Variants in PEX5 observed in about 807,000 individuals in gnomAD.
PEX5 encodes the protein PTS1 receptor.
Under a neutral mutation model 82.9 loss-of-function variants are expected in PEX5, and 52 were observed. That is an observed-to-expected ratio of 0.63 (90% CI 0.50 to 0.79). PEX5 has a LOEUF of 0.79. PEX5 is among the 30% of genes least tolerant of loss of function. PEX5 has a pLI of 0.00. For synonymous variants in PEX5, 300 were observed against 318.8 expected, an observed-to-expected ratio of 0.94 and a Z score of 0.63; for missense variants, 719 against 815.2, an observed-to-expected ratio of 0.88 and a Z score of 1.44.
intron 5 of PEX5, among the ~76,000 whole-genome samples, chr12:7,191,958 T>C (rs780498120): frequency 2.2e-4 from 33 of 152,198 alleles, no homozygotes; most frequent in Non-Finnish European, 3.7e-4. Flanking sequence ...TTTATCACTG[T>C]GGTTTAGTGG....
chr12:7,193,231 A>ATTTTTT (rs1317654671), intron 5 of PEX5, among the ~76,000 whole-genome samples: 2 of 131,106 alleles, frequency 1.5e-5, no homozygotes, highest in East Asian at 4.3e-4. Context: ...GGCTCTTGAG[A>ATTTTTT]TTCTTTTTTT....
At position 7,189,722 on chromosome 12, in the gene PEX5, C is replaced by G; in HGVS notation, c.-45C>G. The G allele has an allele frequency of 5.2e-6, 2 of 387,718 alleles. No homozygotes were observed. Among genetic ancestry groups the G allele is most frequent in the South Asian group, 2.5e-4 (2 of 8,118 alleles). 24.0% of individuals were successfully genotyped at this position (387,718 alleles called of 1,614,324 possible). On this transcript the variant is annotated 5_prime_UTR_variant, in exon 1 of 16. Transcript: ENST00000675855. ...TCCCCCAAGCCAGCACCTGGTGCCC[C>G]GGCGGGTCGTGCGGCGCGGCGCTCC...
At chr12:7,214,460 A>G, downstream of PEX5, among the ~76,000 whole-genome samples, 1 of 151,184 alleles carries the variant, frequency 6.6e-6, no homozygotes, top group Non-Finnish European at 1.5e-5. Flanking sequence ...GTAAACTATC[A>G]CAAGAACAAA....
At chr12:7,197,365 TTATA>T (rs1167552097) in intron 5 of PEX5, among the ~76,000 whole-genome samples, 1 of 62,022 alleles carries the variant, frequency 1.6e-5, no homozygotes, top group African/African-American at 9.1e-5. Flanking sequence ...AATGTAATAA[TTATA>T]TATGTCATAT....
chr12:7,212,484 A>C (rs1039585481), downstream of PEX5, among the ~76,000 whole-genome samples: 5 of 58,850 alleles, frequency 8.5e-5, no homozygotes, highest in Admixed American at 2.3e-4. Flanking sequence ...AAAAAAAAAA[A>C]AAAACCCAAA....
intron 6 of PEX5, among the ~76,000 whole-genome samples, chr12:7,200,566 C>T (rs1005858410): frequency 1.2e-4 from 18 of 151,930 alleles, no homozygotes; most frequent in Admixed American, 5.9e-4. Flanking sequence ...TGTAGCGAGC[C>T]GAGATCACGC....
chr12:7,198,018 T>A (rs2136057468), intron 5 of PEX5, among the ~76,000 whole-genome samples: 1 of 151,046 alleles, frequency 6.6e-6, no homozygotes, highest in East Asian at 1.9e-4. Flanking sequence ...TTCCTTGTGT[T>A]CTTTAGTGCC....
At position 7,194,001 on chromosome 12, in the gene PEX5, A is replaced by G. The variant is rs1475861307; in HGVS notation, c.448+2301A>G. 3.9e-5 allele frequency among the ~76,000 whole-genome samples: 6 copies of G among 152,210 alleles called. No individual in the cohort carries two copies. The East Asian group carries it at 7.7e-4, about 20-fold the overall frequency. ...TGCAGCAGTATATTGCTTTGCATGT[A>G]GTAGGCCTCTGGTATTGAATGAATG... is the stretch of plus-strand genomic sequence containing the variant. On this transcript the variant is annotated intron_variant, in intron 5 of 15. Coordinates refer to ENST00000675855, the MANE Select transcript of PEX5 (RefSeq NM_001351132.2).
chr12:7,209,626 T>C (rs1945272485), intron 14 of PEX5, 57 bp from the exon 15 acceptor site: 1 of 1,513,596 alleles, frequency 6.6e-7, no homozygotes, highest in Non-Finnish European at 9.0e-7. Context: ...GGTGGAGTAA[T>C]GTGCAGAGTT....
chr12:7,191,197 G>A (rs1941036545), intron 3 of PEX5, 29 bp from the exon 4 acceptor site: 1 of 1,613,958 alleles, frequency 6.2e-7, no homozygotes, highest in Non-Finnish European at 8.5e-7. Context: ...CAAGCCTATG[G>A]GTTCATTTCA....
At chr12:7,194,323 A>C (rs1355232620) in intron 5 of PEX5, among the ~76,000 whole-genome samples, 1 of 152,176 alleles carries the variant, frequency 6.6e-6, no homozygotes, top group African/African-American at 2.4e-5. Flanking sequence ...AGTTGAAAAA[A>C]AAAATGTATA....
intron 10 of PEX5, among the ~76,000 whole-genome samples, chr12:7,204,182 T>C (rs778123119): frequency 6.6e-6 from 1 of 152,288 alleles, no homozygotes; most frequent in South Asian, 2.1e-4. Context: ...TGTAGGATAT[T>C]TGGGGATGTG....
chr12:7,215,287 A>G (rs143741253), downstream of PEX5, among the ~76,000 whole-genome samples: 203 of 152,254 alleles, frequency 1.3e-3, no homozygotes, highest in Middle Eastern at 0.014. Flanking sequence ...GGGGACTTAT[A>G]CTCTGTTGGT....
intron 17 of PEX5, among the ~76,000 whole-genome samples, chr12:7,217,680 A>G (rs1945817003): frequency 6.6e-6 from 1 of 152,264 alleles, no homozygotes; most frequent in Non-Finnish European, 1.5e-5. Flanking sequence ...CAGGGCAGGC[A>G]TAACTGGGGC....
In PEX5 at chr12:7,202,228, C is replaced by G; in HGVS notation, c.643-13C>G. Reference sequence around the variant, plus strand: ...CCTTTCCCAAGTGGCCTGTGTGTGTCTCTGTGCCCCAGTTCCTGAAATTCG... The same window carrying G: ...CCTTTCCCAAGTGGCCTGTGTGTGTGTCTGTGCCCCAGTTCCTGAAATTCG... On this transcript the variant is annotated splice_polypyrimidine_tract_variant and intron_variant, in intron 7 of 15. Coordinates refer to ENST00000675855, the MANE Select transcript of PEX5 (RefSeq NM_001351132.2). 6.2e-7 allele frequency: 1 copy of G among 1,614,018 alleles called. No homozygotes were observed. Among genetic ancestry groups the G allele is most frequent in the Non-Finnish European group, 8.5e-7 (1 of 1,180,012 alleles).
At chr12:7,197,215 T>TGTA (rs1491159997) in intron 5 of PEX5, among the ~76,000 whole-genome samples, 3 of 71,962 alleles carry the variant, frequency 4.2e-5, no homozygotes, top group Non-Finnish European at 8.3e-5. Context: ...TCATATATAA[T>TGTA]GTAATTATAT....
downstream of PEX5, among the ~76,000 whole-genome samples, chr12:7,212,475 A>G (rs1405964149): frequency 3.0e-5 from 2 of 67,104 alleles, no homozygotes; most frequent in Non-Finnish European, 7.0e-5. Flanking sequence ...AAAAAAAAAA[A>G]AAAAAAAAAA....
At position 7,191,270 on chromosome 12, in the gene PEX5, C is replaced by A; in HGVS notation, c.228C>A (p.Ser76=). 6.2e-7 allele frequency: 1 copy of A among 1,614,126 alleles called. No individual in the cohort carries two copies. Among genetic ancestry groups the A allele is most frequent in the Non-Finnish European group, 8.5e-7 (1 of 1,179,986 alleles). Residue 76 remains serine (S), a synonymous_variant, in exon 4 of 16, where the codon TCC becomes TCA. Coordinates refer to ENST00000675855, the MANE Select transcript of PEX5 (RefSeq NM_001351132.2). ...FLQDQNAPLV[S]RAPQTFKMDD... ...AGGACCAGAATGCACCCCTTGTGTC[C>A]CGTGCCCCTCAGACCTTCAAGATGG...
chr12:7,200,677 TAGG>T (rs1296180897), intron 6 of PEX5, among the ~76,000 whole-genome samples: 6 of 152,104 alleles, frequency 3.9e-5, no homozygotes, highest in Non-Finnish European at 1.5e-5. Context: ...CACTCGCGGT[TAGG>T]AGCTGGAGAC....
Sources: allele counts gnomAD v4.1 joint callset (sites outside exome capture counted in the v4.1 genomes callset), GRCh38; gene constraint gnomAD v4.1.1; transcripts MANE v1.5; gene names NCBI Gene and HGNC (gene_info 2026-07-23, HGNC 2026-07-21).